The following PRKCQ variants were observed in gnomAD, a reference collection of about 807,000 sequenced individuals.
PRKCQ encodes protein kinase C theta.
In PRKCQ, 41 loss-of-function variants were observed where a neutral mutation model predicts 91.2. The ratio of observed to expected loss-of-function variants is 0.45; its 90% CI spans 0.35 to 0.58. PRKCQ has a LOEUF of 0.58. Among genes scored for constraint, PRKCQ ranks in the 20% least tolerant of loss-of-function variants. PRKCQ has a pLI of 0.00. For synonymous variants in PRKCQ, 307 were observed against 316.9 expected, an observed-to-expected ratio of 0.97 and a Z score of 0.33; for missense variants, 673 against 896.5, an observed-to-expected ratio of 0.75 and a Z score of 3.18.
chr10:6,425,511 C>A (rs566186587), downstream of PRKCQ, among the ~76,000 whole-genome samples: 2 of 151,968 alleles, frequency 1.3e-5, no homozygotes, highest in Admixed American at 1.3e-4. Context: ...CGTGAACCAC[C>A]GCACCTGGCC....
At position 6,428,142 on chromosome 10, in the gene PRKCQ, C is replaced by A; in HGVS notation, c.*65G>T. The stretch of plus-strand genomic sequence containing the variant: ...TTCCAAGTTGAAAAAGGAACCCAAG[C>A]AGTGTCTCTTGAACCAGTTCCCAGG... On this transcript the variant is annotated 3_prime_UTR_variant, in exon 18 of 18. Coordinates refer to ENST00000263125, the MANE Select transcript of PRKCQ (RefSeq NM_006257.5). 4.4e-6 allele frequency: 7 copies of A among 1,586,448 alleles called. No individual in the cohort carries two copies. The Admixed American group carries it at 1.2e-4, about 27-fold the overall frequency.
intron 3 of PRKCQ, among the ~76,000 whole-genome samples, chr10:6,509,314 T>G (rs1031777921): frequency 2.0e-5 from 3 of 152,104 alleles, no homozygotes; most frequent in Admixed American, 2.0e-4. Flanking sequence ...AAAAAGATAC[T>G]CACCCTCCGA....
At chr10:6,462,668 TG>T (rs1835419414) in intron 13 of PRKCQ, among the ~76,000 whole-genome samples, 1 of 152,198 alleles carries the variant, frequency 6.6e-6, no homozygotes, top group African/African-American at 2.4e-5. Context: ...TCATTTTTTT[TG>T]TTGTTTTTGC....
chr10:6,436,846 C>A (rs1833722444), intron 16 of PRKCQ, among the ~76,000 whole-genome samples: 1 of 152,174 alleles, frequency 6.6e-6, no homozygotes, highest in African/African-American at 2.4e-5. Flanking sequence ...CCTTGGAAAT[C>A]ATCACTTCCA....
intron 1 of PRKCQ, among the ~76,000 whole-genome samples, chr10:6,542,950 A>T (rs1839825074): frequency 6.6e-6 from 1 of 152,190 alleles, no homozygotes; most frequent in African/African-American, 2.4e-5. Context: ...TTCTGCTTGC[A>T]TTCAGAAGGG....
At chr10:6,499,968 T>C (rs1465116309) in intron 4 of PRKCQ, among the ~76,000 whole-genome samples, 1 of 152,236 alleles carries the variant, frequency 6.6e-6, no homozygotes, top group African/African-American at 2.4e-5. Context: ...AGATTTGTTT[T>C]ATGGCAACCC....
intron 2 of PRKCQ, among the ~76,000 whole-genome samples, chr10:6,512,539 TC>T (rs1838533454): frequency 2.0e-5 from 3 of 152,240 alleles, no homozygotes; most frequent in Non-Finnish European, 4.4e-5. Context: ...TTTAATCATT[TC>T]AGAAGCAGAA....
chr10:6,458,831 T>G (rs1235000575), intron 14 of PRKCQ, among the ~76,000 whole-genome samples: 1 of 152,162 alleles, frequency 6.6e-6, no homozygotes, highest in African/African-American at 2.4e-5. Context: ...AATCTTAAGG[T>G]TCTTCTTAGT....
chr10:6,398,625 T>C, the PRKCQ span, among the ~76,000 whole-genome samples: 9 of 152,156 alleles, frequency 5.9e-5, no homozygotes, highest in African/African-American at 2.2e-4. Flanking sequence ...ACCCATCATT[T>C]CCTCCATGTC....
the PRKCQ span, among the ~76,000 whole-genome samples, chr10:6,407,549 A>G: frequency 6.6e-6 from 1 of 150,910 alleles, no homozygotes. The surrounding 1 kb of genome is among the most constrained non-coding windows in gnomAD (Gnocchi z 4.0). Context: ...ATGTGTGTGT[A>G]TGGCATGTGT....
intron 1 of PRKCQ, among the ~76,000 whole-genome samples, chr10:6,530,341 T>C (rs79958656): frequency 0.093 from 14,142 of 152,238 alleles, 851 homozygotes; most frequent in Middle Eastern, 0.21. Flanking sequence ...CCTGTCCTCC[T>C]ATGCTGCTGT....
intron 15 of PRKCQ, among the ~76,000 whole-genome samples, chr10:6,446,883 A>G (rs557768034): frequency 3.3e-4 from 51 of 152,360 alleles, no homozygotes; most frequent in African/African-American, 1.1e-3. Context: ...GAACGACGCC[A>G]GAGCAAGCCT....
At chr10:6,578,031 G>A (rs1841309591) in intron 1 of PRKCQ, among the ~76,000 whole-genome samples, 1 of 152,230 alleles carries the variant, frequency 6.6e-6, no homozygotes, top group African/African-American at 2.4e-5. Flanking sequence ...GTGTTAGAAT[G>A]AGAATACTTT....
chr10:6,425,247 CAG>C (rs1262833280), downstream of PRKCQ, among the ~76,000 whole-genome samples: 1 of 131,226 alleles, frequency 7.6e-6, no homozygotes, highest in Non-Finnish European at 1.6e-5. Context: ...TTTTTTGAAA[CAG>C]AGTCTTGCTC....
intron 1 of PRKCQ, among the ~76,000 whole-genome samples, chr10:6,563,640 A>G (rs1223931991): frequency 1.3e-5 from 2 of 151,776 alleles, no homozygotes; most frequent in East Asian, 1.9e-4. Flanking sequence ...CCAACTCTCC[A>G]TGGGATCACA....
chr10:6,526,843 C>G (rs1839216859), intron 1 of PRKCQ, among the ~76,000 whole-genome samples: 1 of 152,158 alleles, frequency 6.6e-6, no homozygotes, highest in Non-Finnish European at 1.5e-5. Flanking sequence ...ACCCTGGTCC[C>G]TGTGTTGAGA....
At chr10:6,452,028 G>A (rs550634192) in intron 15 of PRKCQ, among the ~76,000 whole-genome samples, 2 of 152,252 alleles carry the variant, frequency 1.3e-5, no homozygotes, top group South Asian at 2.1e-4. Flanking sequence ...AGACAGGGAT[G>A]CCCTCTCTCA....
In PRKCQ at chr10:6,514,993, G is replaced by A. The variant is rs778857868; in HGVS notation, c.118+25C>T. On this transcript the variant is annotated intron_variant, in intron 2 of 17. Transcript: ENST00000263125. ...AGCAGGATTCTCCTCCTCCTCCCCC[G>A]CTTTGAAAATCCCCTCAAGCTTACC... 3.5e-5 allele frequency: 57 copies of A among 1,611,862 alleles called. 1 individual carries two copies. Among genetic ancestry groups the A allele is most frequent in the Middle Eastern group, 2.1e-4 (1 of 4,824 alleles).
At chr10:6,495,194 C>T (rs187644233) in intron 7 of PRKCQ, among the ~76,000 whole-genome samples, 27 of 152,310 alleles carry the variant, frequency 1.8e-4, no homozygotes, top group Non-Finnish European at 2.9e-4. Flanking sequence ...CACATCTCAA[C>T]GCACTATTTC....
Sources: gnomAD v4.1 joint callset for allele counts (sites outside exome capture counted in the v4.1 genomes callset) on GRCh38, gnomAD v4.1.1 for gene constraint, Gnocchi (gnomAD v3.1) non-coding constraint, MANE v1.5 for transcripts, NCBI Gene and HGNC (gene_info 2026-07-23, HGNC 2026-07-21) for gene names.